ZNF100: variants seen among roughly 807,000 people sequenced by gnomAD.
ZNF100 encodes the protein zinc finger protein 100 (Y1).
A neutral mutation model predicts 15.8 loss-of-function variants in ZNF100; 12 were observed. The ratio of observed to expected loss-of-function variants is 0.76; its 90% confidence interval spans 0.49 to 1.23. The LOEUF is 1.23. ZNF100 is among the 50% of genes most tolerant of loss of function. ZNF100 has a pLI of 0.00. For synonymous variants in ZNF100, 226 were observed against 214.8 expected, an observed-to-expected ratio of 1.05 and a Z score of -0.45; for missense variants, 670 against 635.6, an observed-to-expected ratio of 1.05 and a Z score of -0.58.
intron 4 of ZNF100, among the ~76,000 whole-genome samples, chr19:21,735,171 T>C (rs1397126272): frequency 6.6e-6 from 1 of 152,066 alleles, no homozygotes; most frequent in Non-Finnish European, 1.5e-5. Flanking sequence ...GCTAGCACCA[T>C]GAGAACAGGA....
At chr19:21,767,401 C>T (rs1414118205) in intron 1 of ZNF100, 26 bp downstream of exon 1, 1 of 1,608,734 alleles carries the variant, frequency 6.2e-7, no homozygotes, top group Admixed American at 1.7e-5. Context: ...CGCCGTCTCT[C>T]GGGATGTCGG....
chr19:21,762,700 A>T (rs75893494), intron 2 of ZNF100, among the ~76,000 whole-genome samples: 1,603 of 152,218 alleles, frequency 0.011, 16 homozygotes, highest in Non-Finnish European at 0.014. Context: ...TTCCTTGTTT[A>T]AAAAAATAAC....
chr19:21,726,353 T>C lies in ZNF100; in HGVS notation c.*330A>G, dbSNP rs561952596. On this transcript the variant is annotated 3_prime_UTR_variant, in exon 5 of 5. Transcript: ENST00000358296. Reference sequence around the variant, plus strand: ...ATTAGTTAAAAGTTTTGTCACACTGTTCACACATGTAGAAGTTTTCTCCAG... The same window carrying C: ...ATTAGTTAAAAGTTTTGTCACACTGCTCACACATGTAGAAGTTTTCTCCAG... The C allele has an allele frequency of 1.7e-4, 47 of 269,144 alleles. No individual in the cohort carries two copies. In the Admixed American group the frequency reaches 2.0e-3, roughly 12 times the overall value. 16.7% of individuals were successfully genotyped at this position (269,144 alleles called of 1,614,324 possible).
chr19:21,727,228 T>G lies in ZNF100; in HGVS notation c.1084A>C (p.Thr362Pro). The change falls in exon 5 of 5, where the codon ACA becomes CCA. Residue 362 changes from threonine (T) to proline (P), a missense_variant. Thr to Pro is a conservative substitution (Grantham distance 38, BLOSUM62 -1). Transcript: ENST00000358296. The part of the protein sequence containing the change: ...KAFNQSSTLT[T>P]HKITHAGEKP... The stretch of plus-strand genomic sequence containing the variant: ...TCTCCAGCATGAGTTATCTTATGTG[T>G]AGTAAGGGTTGAGGACTGGTTAAAG... 6.2e-7 allele frequency: 1 copy of G among 1,613,602 alleles called. No homozygotes were observed. The highest frequency in any genetic ancestry group is 8.5e-7 in the Non-Finnish European group (1 of 1,179,870).
chr19:21,754,770 C>T (rs34387769), intron 2 of ZNF100, among the ~76,000 whole-genome samples: 14,208 of 152,020 alleles, frequency 0.093, 895 homozygotes, highest in South Asian at 0.18. Flanking sequence ...CAAAAGGAAT[C>T]GCAACAAAAG....
chr19:21,747,971 A>AT lies in ZNF100; in HGVS notation c.97-2905dup, dbSNP rs201633127. Reference sequence around the variant, plus strand: ...TTCTTCCTCTGTTTCTCTGTTATTGATTTTTTAAAAAAATGTACAGAATAA... The same window carrying AT: ...TTCTTCCTCTGTTTCTCTGTTATTGATTTTTTTAAAAAAATGTACAGAATAA... On this transcript the variant is annotated intron_variant, in intron 2 of 4. Coordinates refer to ENST00000358296, the MANE Select transcript of ZNF100 (RefSeq NM_173531.4). 3.9e-3 allele frequency among the ~76,000 whole-genome samples: 450 copies of AT among 114,832 alleles called. 2 individuals are homozygous for AT. Among genetic ancestry groups the AT allele is most frequent in the Admixed American group, 9.1e-3 (86 of 9,402 alleles). The allele number at this position is 114,832 out of a possible 152,430, so 75.3% of individuals were successfully genotyped here.
rs1269052507 is a variant in ZNF100 at position 21,728,115 on chromosome 19, T to C, written c.323-126A>G. The C allele has an allele frequency of 5.4e-6, 5 of 918,452 alleles. No homozygotes were observed. In the Admixed American group the frequency reaches 1.5e-4, roughly 28 times the overall value. 56.9% of individuals were successfully genotyped at this position (918,452 alleles called of 1,614,324 possible). On this transcript the variant is annotated intron_variant, in intron 4 of 4. Transcript: ENST00000358296. ...AAAATACCAAAGGCCCTCATTCCTT[T>C]ATAGACATATAAATGTAAAAAAAAA...
rs1336802915 is a variant in ZNF100, at chr19:21,726,027, A to G, written c.*656T>C. 3 of 152,124 alleles carry G rather than the reference A, an allele frequency of 2.0e-5. No individual in the cohort carries two copies. The highest frequency in any genetic ancestry group is 4.4e-5 in the Non-Finnish European group (3 of 67,988). 9.4% of individuals were successfully genotyped at this position (152,124 alleles called of 1,614,324 possible). ...TTTTTTTCAATATAAATTCCCTGATATTGAACAAAGTTTGAGCAACTGCTT... is the reference window on the plus strand; with the variant it reads ...TTTTTTTCAATATAAATTCCCTGATGTTGAACAAAGTTTGAGCAACTGCTT... On this transcript the variant is annotated 3_prime_UTR_variant, in exon 5 of 5. Transcript: ENST00000358296.
At chr19:21,744,170 A>C in intron 3 of ZNF100, 55 bp from the exon 4 acceptor site, 2 of 1,447,684 alleles carry the variant, frequency 1.4e-6, no homozygotes, top group Non-Finnish European at 1.8e-6. Flanking sequence ...TTACCAACCT[A>C]GTACTATGCT....
At chr19:21,740,409 C>T (rs1431381365) in intron 4 of ZNF100, among the ~76,000 whole-genome samples, 1 of 151,688 alleles carries the variant, frequency 6.6e-6, no homozygotes, top group Non-Finnish European at 1.5e-5. Flanking sequence ...TTCTTAGATA[C>T]AACATTAAAT....
intron 4 of ZNF100, among the ~76,000 whole-genome samples, chr19:21,737,012 A>T (rs2036018418): frequency 1.3e-5 from 2 of 152,102 alleles, no homozygotes; most frequent in Non-Finnish European, 2.9e-5. Flanking sequence ...ACAAACCCCA[A>T]AGCCAGCAGA....
chr19:21,762,008 A>C (rs2036491457), intron 2 of ZNF100, among the ~76,000 whole-genome samples: 1 of 152,130 alleles, frequency 6.6e-6, no homozygotes, highest in Non-Finnish European at 1.5e-5. Context: ...CTTGAGGTTA[A>C]GAGTTAGTGA....
In ZNF100 at chr19:21,723,915, A is replaced by C. The variant is rs2035725846; in HGVS notation, c.*2768T>G. 6.6e-6 allele frequency: 1 copy of C among 152,216 alleles called. No homozygotes were observed. The highest frequency in any genetic ancestry group is 1.5e-5 in the Non-Finnish European group (1 of 68,034). 9.4% of individuals were successfully genotyped at this position (152,216 alleles called of 1,614,324 possible). ...ATAGAGTTCTCCAACTAAAAACAAA[A>C]TGAAGTGTTCTAACTAAATAAAATG... On this transcript the variant is annotated 3_prime_UTR_variant, in exon 5 of 5. Coordinates refer to ENST00000358296, the MANE Select transcript of ZNF100 (RefSeq NM_173531.4).
At chr19:21,755,175 G>A (rs972339524) in intron 2 of ZNF100, among the ~76,000 whole-genome samples, 1 of 152,130 alleles carries the variant, frequency 6.6e-6, no homozygotes, top group Non-Finnish European at 1.5e-5. Flanking sequence ...GCCAGGCATG[G>A]TGGGGCATGT....
In ZNF100 at chr19:21,735,813, G is replaced by T. The variant is rs186315287; in HGVS notation, c.323-7824C>A. ...CGCTTGATTGATTTTTTTTGAGACG[G>T]AGTCTTACTCTGTCACCCAGGCTGG... is the stretch of plus-strand genomic sequence containing the variant. On this transcript the variant is annotated intron_variant, in intron 4 of 4. Transcript: ENST00000358296. Among the ~76,000 whole-genome samples the T allele has an allele frequency of 1.2e-3, 184 of 152,164 alleles. 1 individual carries two copies. The highest frequency in any genetic ancestry group is 0.01 in the Middle Eastern group (3 of 294).
rs780099908 is a variant in ZNF100, at chr19:21,724,202, T to A, written c.*2481A>T. ...ATTCAATACAAAGCAGAGAATACAT[T>A]TTCTTTTAGCATTTTTGAGGCTTTT... On this transcript the variant is annotated 3_prime_UTR_variant, in exon 5 of 5. Transcript: ENST00000358296. 1 of 152,150 alleles carries A rather than the reference T, an allele frequency of 6.6e-6. No homozygotes were observed. Among genetic ancestry groups the A allele is most frequent in the Non-Finnish European group, 1.5e-5 (1 of 67,994 alleles). The allele number at this position is 152,150 out of a possible 1,614,324, so 9.4% of individuals were successfully genotyped here.
At chr19:21,760,230 T>C (rs1450605891) in intron 2 of ZNF100, among the ~76,000 whole-genome samples, 1 of 150,862 alleles carries the variant, frequency 6.6e-6, no homozygotes, top group African/African-American at 2.4e-5. Context: ...ACTAAGTGTA[T>C]GTTATTAATA....
intron 4 of ZNF100, among the ~76,000 whole-genome samples, chr19:21,739,131 C>A (rs2036063132): frequency 6.6e-6 from 1 of 152,168 alleles, no homozygotes; most frequent in Non-Finnish European, 1.5e-5. Flanking sequence ...ATGAGGTTTG[C>A]AGAACATGTT....
chr19:21,766,976 A>G (rs1000268404), intron 1 of ZNF100, among the ~76,000 whole-genome samples: 1 of 139,458 alleles, frequency 7.2e-6, no homozygotes, highest in Non-Finnish European at 1.6e-5. Flanking sequence ...CCTGGGCGAC[A>G]GAGCGACTCC....
Sources: allele counts gnomAD v4.1 joint callset (sites outside exome capture counted in the v4.1 genomes callset), GRCh38; gene constraint gnomAD v4.1.1; transcripts MANE v1.5; gene names NCBI Gene and HGNC (gene_info 2026-07-23, HGNC 2026-07-21).